KDM2B: variants seen among roughly 807,000 people sequenced by gnomAD.
KDM2B encodes lysine-specific demethylase 2B.
In KDM2B, 26 loss-of-function variants were observed where a neutral mutation model predicts 150.0. The observed-to-expected ratio is 0.17, with a 90% CI of 0.13 to 0.24. The LOEUF (loss-of-function observed/expected upper bound fraction) is 0.24. KDM2B is among the 10% of genes least tolerant of loss of function. KDM2B has a pLI of 1.00. For synonymous variants in KDM2B, 734 were observed against 729.5 expected (o/e 1.01, Z -0.10); for missense variants, 1,265 against 1,816.9 (o/e 0.70, Z 5.52).
chr12:121,521,102 T>C lies in KDM2B; in HGVS notation c.932-2A>G. On this transcript the variant is annotated splice_acceptor_variant, in intron 8 of 22. Coordinates refer to ENST00000377071, the MANE Select transcript of KDM2B (RefSeq NM_032590.5). LOFTEE classifies it high-confidence loss of function. This position sits in a 1 kb window ranked among gnomAD's most constrained non-coding sequence, Gnocchi z 4.9. ...GGGTGTAGACGGCATGGATCCAACC[T>C]GGGGTGGGAAGGGCAAGGAGAGGAT... 1 of 1,609,478 alleles carries C rather than the reference T, an allele frequency of 6.2e-7. No homozygotes were observed. Among genetic ancestry groups the C allele is most frequent in the Non-Finnish European group, 8.5e-7 (1 of 1,176,378 alleles).
intron 2 of KDM2B, among the ~76,000 whole-genome samples, chr12:121,576,150 G>C (rs969837360): frequency 1.4e-4 from 22 of 152,130 alleles, no homozygotes; most frequent in African/African-American, 4.6e-4. Context: ...GCGAGGGTTG[G>C]GGAGGAAGAC....
rs1025799451 is a variant in KDM2B at position 121,442,738 on chromosome 12, G to A, written c.2703C>T (p.Pro901=). 1 of 1,557,326 alleles carries A rather than the reference G, an allele frequency of 6.4e-7. No homozygotes were observed. Among genetic ancestry groups the A allele is most frequent in the Non-Finnish European group, 8.6e-7 (1 of 1,156,830 alleles). The change falls in exon 19 of 23, where the codon CCC becomes CCT. Residue 901 remains proline (P), a synonymous_variant. Coordinates refer to ENST00000377071, the MANE Select transcript of KDM2B (RefSeq NM_032590.5). The surrounding 1 kb of genome is among the most constrained non-coding windows in gnomAD (Gnocchi z 7.7). Reference sequence around the variant, plus strand: ...AGTGGTCGCTCTCCCTGGTCTTGGGGGGCGCCTCGGGCAGTTCGTCCTCGG... The same window carrying A: ...AGTGGTCGCTCTCCCTGGTCTTGGGAGGCGCCTCGGGCAGTTCGTCCTCGG... ...QEPEDELPEA[P]PKTRESDHSR...
At chr12:121,471,129 T>A (rs942499796) in intron 12 of KDM2B, among the ~76,000 whole-genome samples, 8 of 152,234 alleles carry the variant, frequency 5.3e-5, no homozygotes, top group African/African-American at 1.9e-4. Flanking sequence ...TGCCAGCCCT[T>A]GCCCAACAGA....
At chr12:121,568,013 G>A (rs1890833142) in intron 4 of KDM2B, among the ~76,000 whole-genome samples, 2 of 152,130 alleles carry the variant, frequency 1.3e-5, no homozygotes, top group African/African-American at 4.8e-5. Context: ...ACAGGCGTGA[G>A]CCACTGCGCC....
intron 10 of KDM2B, 50 bp from the exon 11 acceptor site, chr12:121,510,089 C>CCAA (rs1885449175): frequency 6.8e-7 from 1 of 1,470,998 alleles, no homozygotes. Flanking sequence ...TAACTCCCTG[C>CCAA]CAAGGTCTTT....
chr12:121,564,667 T>C (rs1319776139), intron 4 of KDM2B, among the ~76,000 whole-genome samples: 1 of 152,060 alleles, frequency 6.6e-6, no homozygotes, highest in African/African-American at 2.4e-5. Context: ...GTTCACTGAA[T>C]AGAAAACTCC....
intron 4 of KDM2B, among the ~76,000 whole-genome samples, chr12:121,570,628 C>A (rs1289182046): frequency 4.6e-5 from 7 of 152,202 alleles, no homozygotes; most frequent in Non-Finnish European, 8.8e-5. Context: ...GACCTCACTG[C>A]ATAGCCACTA....
intron 12 of KDM2B, among the ~76,000 whole-genome samples, chr12:121,473,189 G>C (rs1054848518): frequency 2.6e-5 from 4 of 152,014 alleles, no homozygotes; most frequent in Non-Finnish European, 5.9e-5. Flanking sequence ...TTAGGAGTTC[G>C]AGACCAGCCT....
chr12:121,442,511 G>A lies in KDM2B; in HGVS notation c.2930C>T (p.Pro977Leu). ...CTTGGGCTCCTCGCCCTCGCTCTCAGGCTCCGACTTGATGGGCTGCTGGTT... is the reference window on the plus strand; with the variant it reads ...CTTGGGCTCCTCGCCCTCGCTCTCAAGCTCCGACTTGATGGGCTGCTGGTT... ...NENQQPIKSE[P>L]ESEGEEPKRP... The change falls in exon 19 of 23, where the codon CCT (proline) becomes CTT (leucine). Residue 977 changes from proline to leucine, a missense_variant. By Grantham distance (98) the Pro-to-Leu change is moderately conservative. Coordinates refer to ENST00000377071, the MANE Select transcript of KDM2B (RefSeq NM_032590.5). The surrounding 1 kb of genome is among the most constrained non-coding windows in gnomAD (Gnocchi z 7.7). The A allele has an allele frequency of 1.3e-6, 2 of 1,599,644 alleles. No individual in the cohort carries two copies. The highest frequency in any genetic ancestry group is 1.7e-6 in the Non-Finnish European group (2 of 1,179,870).
At position 121,534,497 on chromosome 12, in the gene KDM2B, C is replaced by T; in HGVS notation, c.777G>A (p.Lys259=). Residue 259 remains lysine, a splice_region_variant and synonymous_variant, in exon 7 of 23, where the codon AAG becomes AAA. Coordinates refer to ENST00000377071, the MANE Select transcript of KDM2B (RefSeq NM_032590.5). The stretch of plus-strand genomic sequence containing the variant: ...AAAGTTAAAGGCAACTGAAACTCAC[C>T]TTCCCACCCCGGAAAACATGGTACC... ...SVWYHVFRGG[K]IFWLIPPTLH... is the part of the protein sequence containing the mutation. The T allele has an allele frequency of 6.2e-7, 1 of 1,613,048 alleles. No individual in the cohort carries two copies. The highest frequency in any genetic ancestry group is 8.5e-7 in the Non-Finnish European group (1 of 1,179,034).
At chr12:121,421,401 A>G in the KDM2B span, among the ~76,000 whole-genome samples, 2 of 142,338 alleles carry the variant, frequency 1.4e-5, no homozygotes, top group African/African-American at 5.1e-5. Context: ...AAAAAAAACC[A>G]AAAAAACCTG....
chr12:121,534,072 G>C (rs528371337), intron 7 of KDM2B, among the ~76,000 whole-genome samples: 1 of 151,964 alleles, frequency 6.6e-6, no homozygotes, highest in Non-Finnish European at 1.5e-5. Context: ...AAAAAAAGCC[G>C]GGCACAGTGG....
intron 12 of KDM2B, among the ~76,000 whole-genome samples, chr12:121,490,816 C>T (rs567959615): frequency 7.4e-4 from 112 of 152,268 alleles, no homozygotes; most frequent in African/African-American, 2.6e-3. Context: ...TAATCAGTTC[C>T]AGAAAAGGGC....
intron 12 of KDM2B, among the ~76,000 whole-genome samples, chr12:121,488,111 C>T (rs1555299257): frequency 6.6e-6 from 1 of 152,152 alleles, no homozygotes; most frequent in African/African-American, 2.4e-5. Flanking sequence ...AGTCCCCACT[C>T]CCAAACCCCC....
At chr12:121,541,163 C>T (rs1888576057) in intron 6 of KDM2B, among the ~76,000 whole-genome samples, 1 of 151,706 alleles carries the variant, frequency 6.6e-6, no homozygotes, top group East Asian at 2.0e-4. Flanking sequence ...ACCCAGGAGG[C>T]GGAGGTTGGG....
chr12:121,503,017 A>G (rs1884731631), intron 11 of KDM2B, among the ~76,000 whole-genome samples: 1 of 141,566 alleles, frequency 7.1e-6, no homozygotes, highest in Non-Finnish European at 1.5e-5. Context: ...TGCTCTTGTC[A>G]CCCAGGCTAG....
At position 121,537,143 on chromosome 12, in the gene KDM2B, TC is replaced by T. The variant is rs1360502261; in HGVS notation, c.684-2554del. The stretch of plus-strand genomic sequence containing the variant: ...CCTGGCCGCCAAGCCTGGCCGCCCC[TC>T]CCACCCCGCGATCGCAGGCATTAGG... On this transcript the variant is annotated intron_variant, in intron 6 of 22. Transcript: ENST00000377071. The surrounding 1 kb of genome is among the most constrained non-coding windows in gnomAD (Gnocchi z 8.7). Among the ~76,000 whole-genome samples the T allele has an allele frequency of 6.7e-6, 1 of 150,236 alleles. No homozygotes were observed. Among genetic ancestry groups the T allele is most frequent in the Non-Finnish European group, 1.5e-5 (1 of 67,510 alleles).
intron 11 of KDM2B, among the ~76,000 whole-genome samples, chr12:121,495,441 G>A (rs897696392): frequency 2.0e-5 from 3 of 152,130 alleles, no homozygotes; most frequent in Admixed American, 6.6e-5. Flanking sequence ...GATTACAGGC[G>A]TGAGCCAACA....
rs535135893 is a variant in KDM2B at position 121,473,972 on chromosome 12, C to G, written c.1734+20607G>C. On this transcript the variant is annotated intron_variant, in intron 12 of 22. Transcript: ENST00000377071. The stretch of plus-strand genomic sequence containing the variant: ...AGAGCATGATGCTGAGTACAAGAAA[C>G]CAGACACAAAAGTCCACATATTGTA... Among the ~76,000 whole-genome samples, 130 of 152,144 alleles carry G rather than the reference C, an allele frequency of 8.5e-4. 4 individuals are homozygous for G. In the South Asian group the frequency reaches 0.027, roughly 31 times the overall value.
Sources: allele counts gnomAD v4.1 joint callset (sites outside exome capture counted in the v4.1 genomes callset), GRCh38; gene constraint gnomAD v4.1.1; non-coding constraint Gnocchi (gnomAD v3.1); transcripts MANE v1.5; gene names NCBI Gene and HGNC (gene_info 2026-07-23, HGNC 2026-07-21).